Variants in TEC observed in about 807,000 individuals in gnomAD.
TEC encodes the protein tec protein tyrosine kinase.
In TEC, 72 loss-of-function variants were observed where a neutral mutation model predicts 93.0. The ratio of observed to expected loss-of-function variants is 0.77; its 90% CI spans 0.64 to 0.94. The LOEUF is 0.94. TEC is among the 40% of genes least tolerant of loss of function. TEC has a pLI of 0.00. For missense variants in TEC, 630 were observed against 757.9 expected, an observed-to-expected ratio of 0.83 and a Z score of 1.98; for synonymous variants, 249 against 247.7, an observed-to-expected ratio of 1.01 and a Z score of -0.05.
At chr4:48,247,378 C>A (rs141816785) in intron 1 of TEC, among the ~76,000 whole-genome samples, 2 of 152,256 alleles carry the variant, frequency 1.3e-5, no homozygotes, top group Non-Finnish European at 2.9e-5. Context: ...TCAGCATTTC[C>A]ACTCCTAGGT....
chr4:48,227,658 A>C (rs1415816328), intron 2 of TEC, among the ~76,000 whole-genome samples: 26 of 151,906 alleles, frequency 1.7e-4, no homozygotes, highest in Non-Finnish European at 2.9e-4. Flanking sequence ...AAAAAAAAAA[A>C]AAACTAAACC....
At chr4:48,267,955 A>G (rs1426238218) in intron 1 of TEC, among the ~76,000 whole-genome samples, 1 of 152,194 alleles carries the variant, frequency 6.6e-6, no homozygotes, top group East Asian at 1.9e-4. Context: ...GTCTCCCAGC[A>G]CTCTGGATAC....
chr4:48,267,643 T>C (rs1724675578), intron 1 of TEC, among the ~76,000 whole-genome samples: 1 of 152,190 alleles, frequency 6.6e-6, no homozygotes, highest in Non-Finnish European at 1.5e-5. Flanking sequence ...TTGACTTCAG[T>C]AACTCCACTT....
intron 2 of TEC, among the ~76,000 whole-genome samples, chr4:48,179,652 G>C (rs2109562399): frequency 6.6e-6 from 1 of 151,892 alleles, no homozygotes; most frequent in South Asian, 2.1e-4. Context: ...GCCTCCCAAA[G>C]TGCTGGGATT....
chr4:48,236,846 A>C (rs1723799367), intron 1 of TEC, among the ~76,000 whole-genome samples: 1 of 152,204 alleles, frequency 6.6e-6, no homozygotes, highest in African/African-American at 2.4e-5. Flanking sequence ...ACTCAGTTTC[A>C]CAGTCCAGCA....
chr4:48,204,413 C>T (rs1368394846), intron 2 of TEC, among the ~76,000 whole-genome samples: 1 of 152,188 alleles, frequency 6.6e-6, no homozygotes, highest in Non-Finnish European at 1.5e-5. Flanking sequence ...TATGTGACTC[C>T]ACTGGGAGAG....
At chr4:48,177,641 T>G (rs935745339) in intron 2 of TEC, among the ~76,000 whole-genome samples, 1 of 152,258 alleles carries the variant, frequency 6.6e-6, no homozygotes, top group South Asian at 2.1e-4. Context: ...ATGCACACAC[T>G]AGAACCCCAC....
intron 7 of TEC, among the ~76,000 whole-genome samples, chr4:48,166,936 T>C (rs757652853): frequency 5.3e-5 from 8 of 151,532 alleles, no homozygotes; most frequent in East Asian, 1.9e-4. Flanking sequence ...TGACTTGAAA[T>C]TGGGGCTGGG....
At position 48,137,106 on chromosome 4, in the gene TEC, G is replaced by A; in HGVS notation, c.*310C>T. On this transcript the variant is annotated 3_prime_UTR_variant, in exon 18 of 18. Coordinates refer to ENST00000381501, the MANE Select transcript of TEC (RefSeq NM_003215.3). ...CTGGCATCAGCTAACATGGTCCCAT[G>A]TGTGCACCCCTGAATGGCCAAACCC... 3.4e-6 allele frequency: 1 copy of A among 294,554 alleles called. No individual in the cohort carries two copies. Among genetic ancestry groups the A allele is most frequent in the Admixed American group, 5.0e-5 (1 of 20,082 alleles). The allele number at this position is 294,554 out of a possible 1,614,324, so 18.2% of individuals were successfully genotyped here. A position where few individuals can be genotyped will look rare whatever the true frequency, so the allele number is the denominator to read the frequency against.
intron 15 of TEC, among the ~76,000 whole-genome samples, chr4:48,139,257 T>G (rs1719563397): frequency 6.6e-6 from 1 of 152,218 alleles, no homozygotes; most frequent in Admixed American, 6.5e-5. Flanking sequence ...GCACTTTCAT[T>G]TTTCTGTTTT....
At chr4:48,229,585 G>A (rs1723586972) in intron 1 of TEC, among the ~76,000 whole-genome samples, 1 of 151,508 alleles carries the variant, frequency 6.6e-6, no homozygotes, top group African/African-American at 2.4e-5. Context: ...AGAGCAGCCT[G>A]GCCAACATAG....
At chr4:48,215,323 A>C (rs563495277) in intron 2 of TEC, among the ~76,000 whole-genome samples, 7 of 152,058 alleles carry the variant, frequency 4.6e-5, no homozygotes, top group Non-Finnish European at 1.0e-4. Flanking sequence ...CCTGGCCAAC[A>C]TGGCGAAACC....
chr4:48,154,444 T>A (rs1490680116), intron 9 of TEC, among the ~76,000 whole-genome samples: 1 of 152,132 alleles, frequency 6.6e-6, no homozygotes, highest in African/African-American at 2.4e-5. Flanking sequence ...TTAGTACTAC[T>A]AAGAATTACA....
intron 1 of TEC, among the ~76,000 whole-genome samples, chr4:48,266,172 A>G (rs534066715): frequency 2.8e-4 from 43 of 152,372 alleles, no homozygotes; most frequent in Non-Finnish European, 4.6e-4. Context: ...ACAGTCTCAG[A>G]AAAGTAGACC....
At chr4:48,186,319 TC>T (rs1369131013) in intron 2 of TEC, among the ~76,000 whole-genome samples, 1 of 146,560 alleles carries the variant, frequency 6.8e-6, no homozygotes, top group Non-Finnish European at 1.5e-5. Context: ...TGGCCACCCA[TC>T]GTCTGGGATG....
At chr4:48,180,032 T>C (rs1475293737) in intron 2 of TEC, among the ~76,000 whole-genome samples, 1 of 152,182 alleles carries the variant, frequency 6.6e-6, no homozygotes, top group Non-Finnish European at 1.5e-5. Context: ...AGCTGTCAGA[T>C]GTGGATAAAT....
At chr4:48,138,104 C>T (rs927848812) in intron 17 of TEC, among the ~76,000 whole-genome samples, 1 of 152,218 alleles carries the variant, frequency 6.6e-6, no homozygotes, top group Non-Finnish European at 1.5e-5. Context: ...CCTTAATCTT[C>T]TCATCTACAG....
rs1723547654 is a variant in TEC at position 48,228,473 on chromosome 4, T to C, written c.138+4A>G. 1 of 1,591,420 alleles carries C rather than the reference T, an allele frequency of 6.3e-7. No individual in the cohort carries two copies. Among genetic ancestry groups the C allele is most frequent in the Non-Finnish European group, 8.5e-7 (1 of 1,173,254 alleles). On this transcript the variant is annotated splice_donor_region_variant and intron_variant, in intron 2 of 17. Transcript: ENST00000381501. ...CAGAAAAGTAAATCGTGATTGTCTCTTACCTCTGCTCGACCCTCATAGTAG... is the reference window on the plus strand; with the variant it reads ...CAGAAAAGTAAATCGTGATTGTCTCCTACCTCTGCTCGACCCTCATAGTAG...
At chr4:48,236,962 T>C (rs187610305) in intron 1 of TEC, among the ~76,000 whole-genome samples, 1 of 152,344 alleles carries the variant, frequency 6.6e-6, no homozygotes, top group East Asian at 1.9e-4. Context: ...TCACTATGCA[T>C]TGTACATATC....
Sources: allele counts gnomAD v4.1 joint callset (sites outside exome capture counted in the v4.1 genomes callset), GRCh38; gene constraint gnomAD v4.1.1; transcripts MANE v1.5; gene names NCBI Gene and HGNC (gene_info 2026-07-23, HGNC 2026-07-21).